Variants in KRABD5 observed in about 807,000 individuals in gnomAD.
KRABD5 encodes the protein KRAB domain containing 5.
the KRABD5 span, among the ~76,000 whole-genome samples, chr16:31,730,441 G>C: frequency 6.6e-6 from 1 of 151,930 alleles, no homozygotes; most frequent in African/African-American, 2.4e-5. Context: ...AGTTTCCCTT[G>C]TATGTGAAGA....
At chr16:31,741,781 G>A in the KRABD5 span, among the ~76,000 whole-genome samples, 1 of 151,950 alleles carries the variant, frequency 6.6e-6, no homozygotes, top group South Asian at 2.1e-4. Flanking sequence ...CTTTTGCTGT[G>A]CAGAAACTCT....
chr16:31,721,241 G>A, the KRABD5 span, among the ~76,000 whole-genome samples: 1 of 152,030 alleles, frequency 6.6e-6, no homozygotes, highest in South Asian at 2.1e-4. Context: ...ATTAAGAAAT[G>A]TTCTGTCACT....
chr16:31,731,763 C>T, the KRABD5 span, among the ~76,000 whole-genome samples: 1 of 152,166 alleles, frequency 6.6e-6, no homozygotes, highest in Non-Finnish European at 1.5e-5. Flanking sequence ...TCAGGCAGGT[C>T]CCAGGTTGAG....
At chr16:31,747,141 TC>T in the KRABD5 span, among the ~76,000 whole-genome samples, 1 of 87,288 alleles carries the variant, frequency 1.1e-5, no homozygotes, top group Non-Finnish European at 2.2e-5. Flanking sequence ...CCCTACCCCC[TC>T]CCCCCACCCC....
the KRABD5 span, chr16:31,755,172 A>G: frequency 2.1e-6 from 1 of 478,588 alleles, no homozygotes; most frequent in Non-Finnish European, 4.3e-6. Context: ...TGTAGGTCGT[A>G]CCTAACTAAA....
chr16:31,733,389 G>C, the KRABD5 span: 2 of 401,992 alleles, frequency 5.0e-6, no homozygotes, highest in Admixed American at 5.9e-5. Context: ...CTTTTAGGTA[G>C]TCACATTTTT....
the KRABD5 span, among the ~76,000 whole-genome samples, chr16:31,726,187 G>T: frequency 6.6e-6 from 1 of 151,990 alleles, no homozygotes; most frequent in African/African-American, 2.4e-5. Flanking sequence ...TCATCCTTTT[G>T]CTCATAAATA....
At chr16:31,731,316 AGCAG>A in the KRABD5 span, among the ~76,000 whole-genome samples, 1 of 152,224 alleles carries the variant, frequency 6.6e-6, no homozygotes. Context: ...CAGACCTACT[AGCAG>A]GGCATAGATA....
the KRABD5 span, chr16:31,755,807 A>T: frequency 3.1e-6 from 1 of 317,712 alleles, no homozygotes; most frequent in East Asian, 8.5e-5. Flanking sequence ...TTACAGATTG[A>T]ATAAATGGGA....
the KRABD5 span, among the ~76,000 whole-genome samples, chr16:31,741,120 A>G: frequency 1.3e-5 from 2 of 152,114 alleles, no homozygotes; most frequent in Non-Finnish European, 2.9e-5. Context: ...AGCTGCATCC[A>G]TGTTGTTGCA....
the KRABD5 span, among the ~76,000 whole-genome samples, chr16:31,746,693 A>G: frequency 6.6e-6 from 1 of 152,188 alleles, no homozygotes; most frequent in Admixed American, 6.5e-5. Flanking sequence ...CACCTGGATA[A>G]TATCCTGAAT....
chr16:31,729,279 C>G, the KRABD5 span, among the ~76,000 whole-genome samples: 1 of 152,300 alleles, frequency 6.6e-6, no homozygotes, highest in East Asian at 1.9e-4. Context: ...TCAGAATATT[C>G]ACAGGGTATT....
chr16:31,753,616 C>G, the KRABD5 span: 1 of 729,364 alleles, frequency 1.4e-6, no homozygotes, highest in Non-Finnish European at 2.1e-6. Context: ...CATTTAAGTT[C>G]ATATATCAAT....
At chr16:31,761,293 T>C in the KRABD5 span, 1 of 152,210 alleles carries the variant, frequency 6.6e-6, no homozygotes, top group African/African-American at 2.4e-5. Context: ...CTTACTGTTC[T>C]AGTGAAACAA....
chr16:31,737,680 T>G, the KRABD5 span, among the ~76,000 whole-genome samples: 1 of 152,306 alleles, frequency 6.6e-6, no homozygotes, highest in African/African-American at 2.4e-5. Flanking sequence ...TATTTATCTT[T>G]ATGTCAGTAG....
the KRABD5 span, among the ~76,000 whole-genome samples, chr16:31,717,085 C>G: frequency 2.7e-5 from 4 of 146,958 alleles, no homozygotes; most frequent in Non-Finnish European, 5.9e-5. Context: ...CAACCTCTGC[C>G]TCTTGGGTTC....
At chr16:31,713,898 A>G in the KRABD5 span, among the ~76,000 whole-genome samples, 5 of 152,220 alleles carry the variant, frequency 3.3e-5, no homozygotes, top group African/African-American at 1.2e-4. Flanking sequence ...TTTGTGGTTT[A>G]GGGTCCTCTG....
the KRABD5 span, chr16:31,753,754 G>A: frequency 9.6e-6 from 14 of 1,456,662 alleles, no homozygotes; most frequent in South Asian, 2.1e-4. Flanking sequence ...GAAAACTTTT[G>A]GTATCTTTCA....
At chr16:31,729,904 T>G in the KRABD5 span, among the ~76,000 whole-genome samples, 1 of 152,078 alleles carries the variant, frequency 6.6e-6, no homozygotes, top group African/African-American at 2.4e-5. Flanking sequence ...ATAGAAAAAC[T>G]CTATGCTTTT....
Sources: gnomAD v4.1 joint callset for allele counts (sites outside exome capture counted in the v4.1 genomes callset) on GRCh38, gnomAD v4.1.1 for gene constraint, MANE v1.5 for transcripts, NCBI Gene and HGNC (gene_info 2026-07-23, HGNC 2026-07-21) for gene names.